Variants in REG1B observed in about 807,000 individuals in gnomAD.
REG1B encodes regenerating family member 1 beta.
A neutral mutation model predicts 20.4 loss-of-function variants in REG1B; 21 were observed. The observed-to-expected ratio is 1.03, with a 90% confidence interval of 0.73 to 1.48. The LOEUF (loss-of-function observed/expected upper bound fraction) is 1.48. REG1B is among the 40% of genes most tolerant of loss of function. REG1B has a pLI of 0.00. For synonymous variants in REG1B, 82 were observed against 73.4 expected (o/e 1.12, Z -0.60); for missense variants, 247 against 197.2 (o/e 1.25, Z -1.51).
chr2:79,087,235 T>C, intron 2 of REG1B: 1 of 533,912 alleles, frequency 1.9e-6, no homozygotes, highest in African/African-American at 1.9e-5. Flanking sequence ...TCGGTTTCCC[T>C]GCACACGTTT....
chr2:79,086,835 G>T lies in REG1B; in HGVS notation c.160C>A (p.Pro54Thr). The T allele has an allele frequency of 6.2e-7, 1 of 1,613,992 alleles. No individual in the cohort carries two copies. The highest frequency in any genetic ancestry group is 8.5e-7 in the Non-Finnish European group (1 of 1,179,946). ...RSYCYYFNED[P>T]ETWVDADLYC... ...ACATCTGCATCAACCCAGGTCTCAGGGTCTTCATTAAAGTAGTAGCAGTAG... is the reference window on the plus strand; with the variant it reads ...ACATCTGCATCAACCCAGGTCTCAGTGTCTTCATTAAAGTAGTAGCAGTAG... Residue 54 changes from proline to threonine, a missense_variant, in exon 3 of 6, where the codon CCT (proline) becomes ACT (threonine). Coordinates refer to ENST00000305089, the MANE Select transcript of REG1B (RefSeq NM_006507.4).
chr2:79,087,835 T>C (rs1330107107), intron 1 of REG1B, 124 bp downstream of exon 1: 2 of 459,760 alleles, frequency 4.4e-6, no homozygotes, highest in Non-Finnish European at 7.7e-6. Context: ...GAAATCAGCT[T>C]TGGTCTTGCT....
Position 79,085,125 on chromosome 2 carries a change from G to T in REG1B, c.*91C>A. On this transcript the variant is annotated 3_prime_UTR_variant, in exon 6 of 6. Coordinates refer to ENST00000305089, the MANE Select transcript of REG1B (RefSeq NM_006507.4). The stretch of plus-strand genomic sequence containing the variant: ...ATGCAAACTCATTAGGGAGGAGATG[G>T]TCTGAACTGAGTTGGAGACATAGTC... 11 of 877,580 alleles carry T rather than the reference G, an allele frequency of 1.3e-5. No individual in the cohort carries two copies. In the South Asian group the frequency reaches 1.6e-4, roughly 13 times the overall value. 54.4% of individuals were successfully genotyped at this position (877,580 alleles called of 1,614,324 possible). A position where few individuals can be genotyped will look rare whatever the true frequency, so the allele number is the denominator to read the frequency against.
intron 2 of REG1B, 108 bp downstream of exon 2, chr2:79,087,441 A>G: frequency 8.9e-7 from 1 of 1,121,310 alleles, no homozygotes; most frequent in Non-Finnish European, 1.3e-6. Flanking sequence ...TGAACAACAT[A>G]AAAAAACCCT....
In REG1B at chr2:79,087,632, C is replaced by T; in HGVS notation, c.-20G>A. The T allele has an allele frequency of 1.2e-6, 2 of 1,613,266 alleles. No homozygotes were observed. The highest frequency in any genetic ancestry group is 8.5e-7 in the Non-Finnish European group (1 of 1,179,514). ...AGCCATGCTTAGCGGCAGTGAATCT[C>T]TTGCTTAAGGAGCAAATCAGCAATC... On this transcript the variant is annotated 5_prime_UTR_variant, in exon 2 of 6. Coordinates refer to ENST00000305089, the MANE Select transcript of REG1B (RefSeq NM_006507.4).
chr2:79,085,304 TCA>T (rs1558715069), intron 5 of REG1B, 21 bp from the exon 6 acceptor site: 16 of 1,576,998 alleles, frequency 1.0e-5, no homozygotes, highest in Non-Finnish European at 1.4e-5. Flanking sequence ...ATGAGAAGTG[TCA>T]GACATAGAGG....
chr2:79,086,968 G>A (rs6723688), intron 2 of REG1B, 38 bp from the exon 3 acceptor site: 10 of 1,548,976 alleles, frequency 6.5e-6, no homozygotes, highest in Middle Eastern at 1.7e-4. Flanking sequence ...AGAAAGAATC[G>A]CAGGGCAAGG....
intron 4 of REG1B, 84 bp from the exon 5 acceptor site, chr2:79,085,687 G>T: frequency 1.3e-6 from 1 of 768,186 alleles, no homozygotes; most frequent in Non-Finnish European, 2.2e-6. Flanking sequence ...CTCAGAAACA[G>T]GCCAAGTTAT....
chr2:79,087,448 C>T (rs1672416472), intron 2 of REG1B, 101 bp downstream of exon 2: 1 of 1,186,090 alleles, frequency 8.4e-7, no homozygotes, highest in African/African-American at 1.5e-5. Flanking sequence ...CATAAAAAAA[C>T]CCTGATGTTG....
At position 79,086,489 on chromosome 2, in the gene REG1B, T is replaced by A. The variant is rs753899071; in HGVS notation, c.199A>T (p.Met67Leu). 4.3e-6 allele frequency: 7 copies of A among 1,613,772 alleles called. No individual in the cohort carries two copies. The Admixed American group carries it at 1.2e-4, about 27-fold the overall frequency. ...ACAGACACCAGGTTGCCTGAATTCATGTTCTGGCAATAGAGCTGTTGGAGA... is the reference window on the plus strand; with the variant it reads ...ACAGACACCAGGTTGCCTGAATTCAAGTTCTGGCAATAGAGCTGTTGGAGA... ...WVDADLYCQN[M>L]NSGNLVSVLT... The change falls in exon 4 of 6, where the codon ATG (methionine) becomes TTG (leucine). Residue 67 changes from methionine to leucine, a missense_variant. Transcript: ENST00000305089.
chr2:79,087,752 A>AGCACCTGTTATCTTTCT, intron 1 of REG1B, 94 bp from the exon 2 acceptor site: 1 of 750,656 alleles, frequency 1.3e-6, no homozygotes, highest in Non-Finnish European at 2.1e-6. Context: ...CTGTGAGCCG[A>AGCACCTGTTATCTTTCT]AAGGTCCACT....
chr2:79,086,944 A>T lies in REG1B; in HGVS notation c.65-14T>A, dbSNP rs779502058. 1 of 1,603,810 alleles carries T rather than the reference A, an allele frequency of 6.2e-7. No individual in the cohort carries two copies. Among genetic ancestry groups the T allele is most frequent in the Non-Finnish European group, 8.5e-7 (1 of 1,170,950 alleles). ...GGGACTCCTGGCCTGGGGAAAAAAAAAAGGAGATAATTAAGAAAGAATCGC... is the reference window on the plus strand; with the variant it reads ...GGGACTCCTGGCCTGGGGAAAAAAATAAGGAGATAATTAAGAAAGAATCGC... On this transcript the variant is annotated splice_polypyrimidine_tract_variant and intron_variant, in intron 2 of 5. Transcript: ENST00000305089.
chr2:79,087,047 T>C, intron 2 of REG1B, 117 bp from the exon 3 acceptor site: 3 of 800,904 alleles, frequency 3.7e-6, no homozygotes, highest in Admixed American at 2.1e-5. Flanking sequence ...CAGTGAATAC[T>C]GGGGCGATTG....
At position 79,085,231 on chromosome 2, in the gene REG1B, G is replaced by A; in HGVS notation, c.486C>T (p.Cys162=). 1.2e-6 allele frequency: 2 copies of A among 1,612,880 alleles called. No individual in the cohort carries two copies. The highest frequency in any genetic ancestry group is 1.7e-6 in the Non-Finnish European group (2 of 1,178,966). Residue 162 remains cysteine (C), a synonymous_variant, in exon 6 of 6, where the codon TGC becomes TGT. Transcript: ENST00000305089. ...TCAGCTTCCTCTAGTTTTTGAACTT[G>A]CAAACAAAGGAGAACTTCTTCTCAC... ...ESCEKKFSFV[C]KFKN
Position 79,086,471 on chromosome 2 carries a change from C to A in REG1B, c.217G>T (p.Val73Leu), listed in dbSNP as rs546205053. The A allele has an allele frequency of 2.5e-6, 4 of 1,613,942 alleles. No homozygotes were observed. In the African/African-American group the frequency reaches 4.0e-5, roughly 16 times the overall value. ...YCQNMNSGNLVSVLTQAEGAF... is the reference protein window; with the variant it reads ...YCQNMNSGNLLSVLTQAEGAF... ...CCCTCCGCCTGGGTGAGCACAGACA[C>A]CAGGTTGCCTGAATTCATGTTCTGG... is the stretch of plus-strand genomic sequence containing the variant. Residue 73 changes from valine (V) to leucine (L), a missense_variant, in exon 4 of 6, where the codon GTG becomes TTG. Coordinates refer to ENST00000305089, the MANE Select transcript of REG1B (RefSeq NM_006507.4).
Position 79,085,181 on chromosome 2 carries a change from A to T in REG1B, c.*35T>A. ...TAATTTTTGACTTCATAGTAATTGC[A>T]GGACCAGTTCTAGACATCCATTTTT... On this transcript the variant is annotated 3_prime_UTR_variant, in exon 6 of 6. Transcript: ENST00000305089. 1 of 1,503,648 alleles carries T rather than the reference A, an allele frequency of 6.7e-7. No individual in the cohort carries two copies. Among genetic ancestry groups the T allele is most frequent in the Non-Finnish European group, 9.3e-7 (1 of 1,079,250 alleles). 93.1% of individuals were successfully genotyped at this position (1,503,648 alleles called of 1,614,324 possible).
chr2:79,086,223 T>C, intron 4 of REG1B, 144 bp downstream of exon 4: 1 of 837,312 alleles, frequency 1.2e-6, no homozygotes, highest in East Asian at 2.7e-5. Context: ...ACTTCACAAC[T>C]CATACATTAT....
chr2:79,085,413 C>T (rs2104016051), intron 5 of REG1B, 79 bp downstream of exon 5: 3 of 1,387,794 alleles, frequency 2.2e-6, no homozygotes, highest in East Asian at 2.3e-5. Flanking sequence ...TACCTTTCCT[C>T]TATCCCAGTC....
chr2:79,086,385 G>A lies in REG1B; in HGVS notation c.303C>T (p.Gly101=). The A allele has an allele frequency of 6.2e-7, 1 of 1,614,078 alleles. No homozygotes were observed. Among genetic ancestry groups the A allele is most frequent in the Non-Finnish European group, 8.5e-7 (1 of 1,179,960 alleles). The change falls in exon 4 of 6, where the codon GGC becomes GGT. Residue 101 remains glycine, a synonymous_variant. Coordinates refer to ENST00000305089, the MANE Select transcript of REG1B (RefSeq NM_006507.4). The stretch of plus-strand genomic sequence containing the variant: ...GACTGACCTTTTTTGGGTCATGGAG[G>A]CCAATCCAGACATTGCTGTCATCAG... ...SSTDDSNVWI[G]LHDPKKNRRW... is the part of the protein sequence containing the mutation.
Sources: allele counts gnomAD v4.1 joint callset, GRCh38; gene constraint gnomAD v4.1.1; transcripts MANE v1.5; gene names NCBI Gene and HGNC (gene_info 2026-07-23, HGNC 2026-07-21).